ASH1L: variants seen among roughly 807,000 people sequenced by gnomAD.
ASH1L encodes the protein ASH1 like histone lysine methyltransferase.
Under a neutral mutation model 269.0 loss-of-function variants are expected in ASH1L, and 23 were observed. The ratio of observed to expected loss-of-function variants is 0.09; its 90% CI spans 0.06 to 0.12. ASH1L has a LOEUF of 0.12. Ranked by LOEUF, ASH1L falls within the 10% of genes least tolerant of loss-of-function variation. The pLI, the probability that ASH1L is intolerant of heterozygous loss-of-function variation, is 1.00. For synonymous variants in ASH1L, 1,187 were observed against 1,253.5 expected, an observed-to-expected ratio of 0.95 and a Z score of 1.12; for missense variants, 2,912 against 3,567.8, an observed-to-expected ratio of 0.82 and a Z score of 4.68.
intron 21 of ASH1L, chr1:155,344,562 A>G: frequency 1.1e-5 from 3 of 267,926 alleles, no homozygotes; most frequent in Admixed American, 5.0e-5. Context: ...ACTAATTATT[A>G]CAATGATTGG....
At chr1:155,554,928 AG>A (rs1471207272) in intron 1 of ASH1L, among the ~76,000 whole-genome samples, 1 of 151,582 alleles carries the variant, frequency 6.6e-6, no homozygotes, top group Non-Finnish European at 1.5e-5. Flanking sequence ...GATCACCTGA[AG>A]GTCAGAAGTT....
In ASH1L at chr1:155,409,450, A is replaced by C. The variant is rs938680739; in HGVS notation, c.6008+6294T>G. 3.9e-5 allele frequency among the ~76,000 whole-genome samples: 6 copies of C among 152,308 alleles called. No individual in the cohort carries two copies. In the East Asian group the frequency reaches 1.2e-3, roughly 29 times the overall value. ...TTAAATATCAACCCATGGTTTATGT[A>C]CCAATTACAATGGGAAAAAATGTAG... On this transcript the variant is annotated intron_variant, in intron 6 of 27. Coordinates refer to ENST00000392403, the MANE Select transcript of ASH1L (RefSeq NM_018489.3).
At chr1:155,406,974 G>T (rs1204224378) in intron 6 of ASH1L, among the ~76,000 whole-genome samples, 1 of 152,090 alleles carries the variant, frequency 6.6e-6, no homozygotes, top group Non-Finnish European at 1.5e-5. Context: ...GGCCTTCAAA[G>T]ATATAAAAAG....
At chr1:155,433,289 A>T in intron 5 of ASH1L, 1 of 1,570,478 alleles carries the variant, frequency 6.4e-7, no homozygotes, top group South Asian at 1.2e-5. Flanking sequence ...GACCTGGCTA[A>T]GCTTCCAAGG....
chr1:155,342,636 T>A (rs1373376203), intron 24 of ASH1L, among the ~76,000 whole-genome samples: 1 of 152,204 alleles, frequency 6.6e-6, no homozygotes, highest in South Asian at 2.1e-4. Context: ...GAGCTTTTAC[T>A]CTAAGCCATA....
At chr1:155,349,237 G>A (rs1653660365) in intron 19 of ASH1L, 90 bp downstream of exon 19, 2 of 1,422,986 alleles carry the variant, frequency 1.4e-6, no homozygotes, top group Non-Finnish European at 1.9e-6. Flanking sequence ...CAGAAATATG[G>A]CTGATAGAGG....
At chr1:155,367,467 A>AT (rs1351631405) in intron 12 of ASH1L, among the ~76,000 whole-genome samples, 2 of 152,024 alleles carry the variant, frequency 1.3e-5, no homozygotes, top group Non-Finnish European at 1.5e-5. Flanking sequence ...TGGTAGTTAA[A>AT]TTTTTTTTCA....
At position 155,438,438 on chromosome 1, in the gene ASH1L, A is replaced by G; in HGVS notation, c.5717T>C (p.Leu1906Pro). ...CAACCCCTTTTTATGTTCTGGGTTCAGATTTACACTCTGAACAACAGCCTC... is the reference window on the plus strand; with the variant it reads ...CAACCCCTTTTTATGTTCTGGGTTCGGATTTACACTCTGAACAACAGCCTC... ...VIEAVVQSVN[L>P]NPEHKKGLKR... is the part of the protein sequence containing the mutation. Residue 1906 changes from leucine to proline, a missense_variant, in exon 5 of 28, where the codon CTG becomes CCG. This residue lies in a region of ASH1L where 789 missense variants were observed against 897.6 expected (regional missense o/e 0.88). Transcript: ENST00000392403. 1 of 1,613,818 alleles carries G rather than the reference A, an allele frequency of 6.2e-7. No homozygotes were observed. Among genetic ancestry groups the G allele is most frequent in the South Asian group, 1.1e-5 (1 of 90,990 alleles).
intron 2 of ASH1L, among the ~76,000 whole-genome samples, chr1:155,496,862 T>C (rs1667188446): frequency 6.6e-6 from 1 of 151,738 alleles, no homozygotes; most frequent in African/African-American, 2.4e-5. Context: ...CCCAGGCTGG[T>C]CTCAAACTCC....
intron 1 of ASH1L, among the ~76,000 whole-genome samples, chr1:155,550,420 A>G (rs552008287): frequency 6.6e-6 from 1 of 152,190 alleles, no homozygotes; most frequent in East Asian, 1.9e-4. Context: ...CTTGAAATAC[A>G]AAACTAGATA....
intron 1 of ASH1L, among the ~76,000 whole-genome samples, chr1:155,558,566 C>G (rs747584566): frequency 6.6e-6 from 1 of 152,114 alleles, no homozygotes; most frequent in Non-Finnish European, 1.5e-5. Flanking sequence ...TTTAAAGAGA[C>G]AGTGTTTCAC....
chr1:155,359,435 C>T (rs992977346), intron 13 of ASH1L, among the ~76,000 whole-genome samples: 24 of 152,108 alleles, frequency 1.6e-4, no homozygotes, highest in African/African-American at 5.8e-4. Context: ...TAACACCATG[C>T]CCAGCTGATT....
At chr1:155,352,652 AAAAAAGAAAAAG>A in intron 17 of ASH1L, 42 bp downstream of exon 17, 1 of 1,518,700 alleles carries the variant, frequency 6.6e-7, no homozygotes, top group South Asian at 1.3e-5. Context: ...TTATTTAAAA[AAAAAAGAAAAAG>A]AAAAAGAAAA....
At chr1:155,527,195 G>A (rs191509564) in intron 1 of ASH1L, among the ~76,000 whole-genome samples, 13 of 151,630 alleles carry the variant, frequency 8.6e-5, no homozygotes, top group Admixed American at 7.2e-4. Context: ...GTGACAGAGC[G>A]AGACTCCGTC....
Position 155,358,304 on chromosome 1 carries a change from C to T in ASH1L, c.6796-555G>A, listed in dbSNP as rs376165077. Among the ~76,000 whole-genome samples, 4 of 152,192 alleles carry T rather than the reference C, an allele frequency of 2.6e-5. No homozygotes were observed. In the East Asian group the frequency reaches 5.8e-4, roughly 22 times the overall value. ...GAGACCAAAAATCACAGGGCAATCT[C>T]TTTCTTCAAAGTAATTGGGCACTAT... On this transcript the variant is annotated intron_variant, in intron 13 of 27. Transcript: ENST00000392403.
chr1:155,518,506 A>G (rs990948182), intron 2 of ASH1L, among the ~76,000 whole-genome samples: 6 of 152,170 alleles, frequency 3.9e-5, no homozygotes, highest in Non-Finnish European at 7.3e-5. Flanking sequence ...CAGATTATAT[A>G]AAGAACCTGG....
At chr1:155,384,566 ATTTT>A (rs1275142735) in intron 7 of ASH1L, among the ~76,000 whole-genome samples, 1 of 151,474 alleles carries the variant, frequency 6.6e-6, no homozygotes, top group East Asian at 1.9e-4. Context: ...TGCCTGGCTA[ATTTT>A]TTTTGTATTT....
chr1:155,353,194 G>A (rs1267851232), intron 16 of ASH1L, among the ~76,000 whole-genome samples: 4 of 152,126 alleles, frequency 2.6e-5, no homozygotes, highest in Non-Finnish European at 5.9e-5. Flanking sequence ...TAACCCATGG[G>A]TCAGCTTCTC....
intron 7 of ASH1L, among the ~76,000 whole-genome samples, chr1:155,381,865 AAC>A (rs1293662964): frequency 6.6e-6 from 1 of 151,968 alleles, no homozygotes; most frequent in Non-Finnish European, 1.5e-5. Context: ...CAGCCTAGGC[AAC>A]AGAGTGAGAC....
Sources: allele counts gnomAD v4.1 joint callset (sites outside exome capture counted in the v4.1 genomes callset), GRCh38; gene constraint gnomAD v4.1.1; regional missense constraint gnomAD v4.1.1; transcripts MANE v1.5; gene names NCBI Gene and HGNC (gene_info 2026-07-23, HGNC 2026-07-21).